Variants in TM7SF3 observed in about 807,000 individuals in gnomAD.
The protein encoded by TM7SF3 is transmembrane 7 superfamily member 3, also known as seven span transmembrane protein.
In TM7SF3, 60 loss-of-function variants were observed where a neutral mutation model predicts 65.5. The ratio of observed to expected loss-of-function variants is 0.92; its 90% confidence interval spans 0.74 to 1.14. The LOEUF is 1.14. Among genes scored for constraint, TM7SF3 ranks in the 50% most tolerant of loss-of-function variants. The pLI, the probability that TM7SF3 is intolerant of heterozygous loss-of-function variation, is 0.00. For missense variants in TM7SF3, 623 were observed against 684.8 expected, an observed-to-expected ratio of 0.91 and a Z score of 1.01; for synonymous variants, 264 against 259.6, an observed-to-expected ratio of 1.02 and a Z score of -0.16.
At chr12:26,997,635 T>A (rs1376324274) in intron 3 of TM7SF3, among the ~76,000 whole-genome samples, 3 of 152,028 alleles carry the variant, frequency 2.0e-5, no homozygotes, top group Admixed American at 2.0e-4. Context: ...TAGCGCTCCC[T>A]CTCCTTCCCT....
chr12:26,982,646 C>T, intron 7 of TM7SF3, 127 bp downstream of exon 7: 1 of 617,608 alleles, frequency 1.6e-6, no homozygotes, highest in Non-Finnish European at 2.7e-6. Flanking sequence ...CTCACGACTA[C>T]AAGACCCCAG....
chr12:26,979,989 C>T (rs564509826), intron 8 of TM7SF3, 53 bp from the exon 9 acceptor site: 20 of 1,607,094 alleles, frequency 1.2e-5, no homozygotes, highest in African/African-American at 6.7e-5. Flanking sequence ...CTTCCAACCG[C>T]GTGCCTTAGA....
intron 7 of TM7SF3, among the ~76,000 whole-genome samples, chr12:26,982,568 A>T (rs1325346530): frequency 6.6e-6 from 1 of 152,216 alleles, no homozygotes; most frequent in African/African-American, 2.4e-5. Context: ...TCCCCTGTTA[A>T]TAAGAGAAGG....
intron 9 of TM7SF3, among the ~76,000 whole-genome samples, chr12:26,977,407 C>A (rs1049344895): frequency 1.3e-5 from 2 of 152,222 alleles, no homozygotes; most frequent in Non-Finnish European, 2.9e-5. Flanking sequence ...GCAATCTAAT[C>A]AGATTGTAGT....
chr12:26,978,015 G>A lies in TM7SF3; in HGVS notation c.1190-1658C>T, dbSNP rs371992781. ...GGAGGCTGATGTAAGAGGATGGCTT[G>A]AGCCTTAGAGTTTGAGGTTGCAGTG... On this transcript the variant is annotated intron_variant, in intron 9 of 11. Transcript: ENST00000343028. 20 of 423,586 alleles carry A rather than the reference G, an allele frequency of 4.7e-5. No homozygotes were observed. The East Asian group carries it at 9.1e-4, about 19-fold the overall frequency. The allele number at this position is 423,586 out of a possible 1,614,324, so 26.2% of individuals were successfully genotyped here. A position where few individuals can be genotyped will look rare whatever the true frequency, so the allele number is the denominator to read the frequency against.
chr12:27,014,050 T>G, intron 1 of TM7SF3, 28 bp downstream of exon 1: 1 of 1,544,486 alleles, frequency 6.5e-7, no homozygotes, highest in Non-Finnish European at 8.8e-7. Context: ...CAACTTTGGG[T>G]TGCAGAAGCC....
intron 11 of TM7SF3, among the ~76,000 whole-genome samples, chr12:26,974,770 G>C (rs1939500999): frequency 6.6e-6 from 1 of 152,158 alleles, no homozygotes; most frequent in Non-Finnish European, 1.5e-5. Context: ...ACTTGCAAGA[G>C]TTTTAAGGTT....
chr12:26,980,680 A>G (rs374679055), intron 7 of TM7SF3, 34 bp from the exon 8 acceptor site: 1 of 1,165,316 alleles, frequency 8.6e-7, no homozygotes, highest in Non-Finnish European at 1.3e-6. Flanking sequence ...GGAAAAAAGC[A>G]AAACAACAAA....
At chr12:26,988,185 C>T (rs1012184666) in intron 6 of TM7SF3, among the ~76,000 whole-genome samples, 30 of 152,268 alleles carry the variant, frequency 2.0e-4, no homozygotes, top group African/African-American at 4.8e-4. Context: ...GACGGGGAGA[C>T]GGGGTCTCAC....
rs1000533563 is a variant in TM7SF3 at position 26,973,093 on chromosome 12, A to C, written c.*872T>G. ...AATTTTAAAAAATACTGAAAAAAAA[A>C]CAAAGGGTAACTTTTGGATAATGTA... On this transcript the variant is annotated 3_prime_UTR_variant, in exon 12 of 12. Coordinates refer to ENST00000343028, the MANE Select transcript of TM7SF3 (RefSeq NM_016551.3). 1 of 152,126 alleles carries C rather than the reference A, an allele frequency of 6.6e-6. No homozygotes were observed. The highest frequency in any genetic ancestry group is 2.4e-5 in the African/African-American group (1 of 41,426). The allele number at this position is 152,126 out of a possible 1,614,324, so 9.4% of individuals were successfully genotyped here.
At chr12:26,999,071 A>G (rs1185298207) in intron 3 of TM7SF3, among the ~76,000 whole-genome samples, 1 of 152,218 alleles carries the variant, frequency 6.6e-6, no homozygotes, top group African/African-American at 2.4e-5. Context: ...CTGAGCTTTC[A>G]GTCATCGTGC....
intron 2 of TM7SF3, among the ~76,000 whole-genome samples, chr12:27,002,997 C>G (rs546027247): frequency 1.1e-4 from 16 of 152,242 alleles, no homozygotes; most frequent in Admixed American, 4.6e-4. Context: ...CACAGGGTGC[C>G]CTTCTCCCCA....
At chr12:26,988,658 T>G (rs1038489193) in intron 6 of TM7SF3, among the ~76,000 whole-genome samples, 1 of 146,746 alleles carries the variant, frequency 6.8e-6, no homozygotes, top group East Asian at 2.0e-4. Context: ...TCTCATATGG[T>G]TCAGAGAAGA....
chr12:27,003,255 G>A lies in TM7SF3; in HGVS notation c.227C>T (p.Thr76Ile). 1 of 1,610,688 alleles carries A rather than the reference G, an allele frequency of 6.2e-7. No homozygotes were observed. Among genetic ancestry groups the A allele is most frequent in the Non-Finnish European group, 8.5e-7 (1 of 1,178,280 alleles). Residue 76 changes from threonine to isoleucine, a missense_variant, in exon 2 of 12, where the codon ACA becomes ATA. Physicochemically the swap from Thr to Ile is moderately conservative, Grantham distance 89. Transcript: ENST00000343028. The part of the protein sequence containing the change: ...IFQIHSQYQN[T>I]TVSFSPTLLS... Reference sequence around the variant, plus strand: ...ACTTACCGGAGAAAAGGAAACAGTTGTATTCTGATACTGTGAGTGTATTTG... The same window carrying A: ...ACTTACCGGAGAAAAGGAAACAGTTATATTCTGATACTGTGAGTGTATTTG...
intron 6 of TM7SF3, among the ~76,000 whole-genome samples, chr12:26,984,525 T>G (rs1006412685): frequency 6.6e-6 from 1 of 151,210 alleles, no homozygotes; most frequent in Admixed American, 6.6e-5. Flanking sequence ...TGGTTGACTA[T>G]CATTCTAGAA....
At chr12:26,999,733 T>C (rs7314394) in intron 2 of TM7SF3, 57 bp from the exon 3 acceptor site, 1,459,379 of 1,593,812 alleles carry the variant, frequency 0.92, 668,891 homozygotes, top group East Asian at 1. Flanking sequence ...CATAAATTAC[T>C]GAGCTGATCC....
chr12:26,982,691 T>G (rs1259725079), intron 7 of TM7SF3, 82 bp downstream of exon 7: 2 of 899,856 alleles, frequency 2.2e-6, no homozygotes, highest in African/African-American at 3.4e-5. Flanking sequence ...GATAAGTAAG[T>G]GCTTACTCTC....
Position 26,976,241 on chromosome 12 carries a change from CT to C in TM7SF3, c.1287+18del. ...AGGATAACATAATCAATAAATCTAACTTTTGATGAAACACTTACTATTCTTA... is the reference window on the plus strand; with the variant it reads ...AGGATAACATAATCAATAAATCTAACTTTGATGAAACACTTACTATTCTTA... On this transcript the variant is annotated intron_variant, in intron 10 of 11. Transcript: ENST00000343028. 1 of 1,548,436 alleles carries C rather than the reference CT, an allele frequency of 6.5e-7. No homozygotes were observed. The highest frequency in any genetic ancestry group is 8.9e-7 in the Non-Finnish European group (1 of 1,120,942).
At chr12:27,007,859 A>T (rs1188482520) in intron 1 of TM7SF3, among the ~76,000 whole-genome samples, 2 of 152,218 alleles carry the variant, frequency 1.3e-5, no homozygotes, top group African/African-American at 4.8e-5. Flanking sequence ...TGGCTTCTTT[A>T]AAATCAGCAT....
Sources: gnomAD v4.1 joint callset for allele counts (sites outside exome capture counted in the v4.1 genomes callset) on GRCh38, gnomAD v4.1.1 for gene constraint, MANE v1.5 for transcripts, NCBI Gene and HGNC (gene_info 2026-07-23, HGNC 2026-07-21) for gene names.